PTPDC1: variants seen among roughly 807,000 people sequenced by gnomAD.
PTPDC1 encodes protein tyrosine phosphatase domain containing 1.
A neutral mutation model predicts 75.3 loss-of-function variants in PTPDC1; 53 were observed. That is an observed-to-expected ratio of 0.70 (90% CI 0.56 to 0.88). The LOEUF (loss-of-function observed/expected upper bound fraction) is 0.88, where lower values mean the gene tolerates loss of function less well. PTPDC1 is among the 40% of genes least tolerant of loss of function. PTPDC1 has a pLI of 0.00. For synonymous variants in PTPDC1, 349 were observed against 366.2 expected (o/e 0.95, Z 0.54); for missense variants, 925 against 998.6 (o/e 0.93, Z 0.99).
At chr9:94,050,359 T>C (rs920543392) in intron 1 of PTPDC1, among the ~76,000 whole-genome samples, 9 of 152,208 alleles carry the variant, frequency 5.9e-5, no homozygotes, top group African/African-American at 2.2e-4. Context: ...CTACCTTTGG[T>C]CTTTGATGTT....
chr9:94,046,151 T>C (rs1015014635), intron 1 of PTPDC1, among the ~76,000 whole-genome samples: 1 of 152,210 alleles, frequency 6.6e-6, no homozygotes, highest in Non-Finnish European at 1.5e-5. Flanking sequence ...GATCAGATAG[T>C]TGTAGATGTG....
intron 1 of PTPDC1, among the ~76,000 whole-genome samples, chr9:94,033,091 G>A (rs1185093529): frequency 6.6e-6 from 1 of 151,644 alleles, no homozygotes; most frequent in Non-Finnish European, 1.5e-5. Flanking sequence ...TGAATTCCTG[G>A]GCTCAAGTAA....
chr9:94,087,407 T>C (rs1007192241), intron 2 of PTPDC1, among the ~76,000 whole-genome samples: 2 of 152,182 alleles, frequency 1.3e-5, no homozygotes, highest in Non-Finnish European at 2.9e-5. Context: ...ATTGAAATTT[T>C]AAAAATTAAC....
upstream of PTPDC1, among the ~76,000 whole-genome samples, chr9:94,079,865 T>C (rs548973872): frequency 6.6e-6 from 1 of 152,338 alleles, no homozygotes; most frequent in East Asian, 1.9e-4. Flanking sequence ...TTGGCTTGCC[T>C]AAGTGTGGAA....
At chr9:94,104,712 T>G (rs771387557) in intron 8 of PTPDC1, among the ~76,000 whole-genome samples, 1 of 152,192 alleles carries the variant, frequency 6.6e-6, no homozygotes, top group Non-Finnish European at 1.5e-5. Context: ...AGTCAGAGAA[T>G]CTTTGCTTGT....
Position 94,095,568 on chromosome 9 carries a change from G to A in PTPDC1, c.754+114G>A, listed in dbSNP as rs999535567. 193 of 795,238 alleles carry A rather than the reference G, an allele frequency of 2.4e-4. 1 individual carries two copies. Among genetic ancestry groups the A allele is most frequent in the Middle Eastern group, 2.4e-4 (1 of 4,226 alleles). 49.3% of individuals were successfully genotyped at this position (795,238 alleles called of 1,614,324 possible). ...GAATCCTATCAAAGCTTTGGAGTCA[G>A]GTGGAAGAAGGGAATAAGTTCTAGT... On this transcript the variant is annotated intron_variant, in intron 5 of 8. Transcript: ENST00000620992.
intron 2 of PTPDC1, among the ~76,000 whole-genome samples, chr9:94,069,823 C>CTT (rs763640631): frequency 1.3e-3 from 146 of 108,194 alleles, no homozygotes; most frequent in African/African-American, 2.6e-3. Context: ...CCAATACTTT[C>CTT]TTTTTTTTTT....
intron 1 of PTPDC1, among the ~76,000 whole-genome samples, chr9:94,058,025 A>G (rs1363147277): frequency 6.6e-6 from 1 of 152,248 alleles, no homozygotes; most frequent in Non-Finnish European, 1.5e-5. Flanking sequence ...CTCTGAGAGA[A>G]GAGAAACAAA....
intron 5 of PTPDC1, among the ~76,000 whole-genome samples, chr9:94,096,645 G>C (rs1014366489): frequency 5.3e-5 from 8 of 151,934 alleles, no homozygotes; most frequent in African/African-American, 1.9e-4. Flanking sequence ...CACTAAGCCT[G>C]GCTTCCTTAA....
chr9:94,087,701 CA>C, intron 2 of PTPDC1, 129 bp from the exon 3 acceptor site: 1 of 664,430 alleles, frequency 1.5e-6, no homozygotes, highest in Non-Finnish European at 2.7e-6. Flanking sequence ...AAAATTTATA[CA>C]CAAAAAAGAA....
chr9:94,087,544 G>A (rs188594344), intron 2 of PTPDC1, among the ~76,000 whole-genome samples: 130 of 152,220 alleles, frequency 8.5e-4, no homozygotes, highest in Admixed American at 4.8e-3. Flanking sequence ...CACTAAGATG[G>A]TAAACATGAA....
rs1828134458 is a variant in PTPDC1 at position 94,109,846 on chromosome 9, G to A, written c.*1902G>A. 6.6e-6 allele frequency: 1 copy of A among 152,188 alleles called. No individual in the cohort carries two copies. The highest frequency in any genetic ancestry group is 2.4e-5 in the African/African-American group (1 of 41,434). 9.4% of individuals were successfully genotyped at this position (152,188 alleles called of 1,614,324 possible). A position where few individuals can be genotyped will look rare whatever the true frequency, so the allele number is the denominator to read the frequency against. ...ATTTATTTGAATAAAAATAAAAAGA[G>A]CAACCCATAATCCTAGTCCTGTACT... is the stretch of plus-strand genomic sequence containing the variant. On this transcript the variant is annotated 3_prime_UTR_variant, in exon 9 of 9. Coordinates refer to ENST00000620992, the MANE Select transcript of PTPDC1 (RefSeq NM_001253829.2).
chr9:94,042,930 C>G (rs1339869247), intron 1 of PTPDC1, among the ~76,000 whole-genome samples: 1 of 152,188 alleles, frequency 6.6e-6, no homozygotes, highest in Non-Finnish European at 1.5e-5. Flanking sequence ...TATCAAGAAA[C>G]CACTTTCTTT....
chr9:94,057,322 G>C (rs542149641), intron 1 of PTPDC1, among the ~76,000 whole-genome samples: 2 of 151,916 alleles, frequency 1.3e-5, no homozygotes, highest in Non-Finnish European at 2.9e-5. Flanking sequence ...GGGCTCAAAC[G>C]ATCTGCCCAC....
At chr9:94,107,018 A>G (rs1179964200) in intron 8 of PTPDC1, among the ~76,000 whole-genome samples, 1 of 152,174 alleles carries the variant, frequency 6.6e-6, no homozygotes, top group Non-Finnish European at 1.5e-5. Context: ...CAGTGGCACA[A>G]TCTCAGCTCA....
At chr9:94,042,374 T>G (rs1460853523) in intron 1 of PTPDC1, among the ~76,000 whole-genome samples, 1 of 152,176 alleles carries the variant, frequency 6.6e-6, no homozygotes, top group African/African-American at 2.4e-5. Context: ...GCCTCAGAGA[T>G]ATTGCAGGTT....
At chr9:94,105,960 A>G (rs1045769435) in intron 8 of PTPDC1, among the ~76,000 whole-genome samples, 12 of 151,988 alleles carry the variant, frequency 7.9e-5, no homozygotes, top group South Asian at 2.1e-4. Flanking sequence ...GCGACAGAGC[A>G]AGACTCCATC....
chr9:94,098,517 C>T lies in PTPDC1; in HGVS notation c.1951C>T (p.Leu651=), dbSNP rs1355074321. 1 of 1,614,062 alleles carries T rather than the reference C, an allele frequency of 6.2e-7. No homozygotes were observed. The highest frequency in any genetic ancestry group is 8.5e-7 in the Non-Finnish European group (1 of 1,180,026). Residue 651 remains leucine, a synonymous_variant, in exon 6 of 9, where the codon CTA becomes TTA. Coordinates refer to ENST00000620992, the MANE Select transcript of PTPDC1 (RefSeq NM_001253829.2). ...AAGAAGAATACTGGCGGCCAAAGCCCTAGCAAATTTAAATGAATCTGTAGA... is the reference window on the plus strand; with the variant it reads ...AAGAAGAATACTGGCGGCCAAAGCCTTAGCAAATTTAAATGAATCTGTAGA... ...EARRILAAKA[L]ANLNESVEKE...
At chr9:94,032,690 T>C (rs1829749807) in intron 1 of PTPDC1, among the ~76,000 whole-genome samples, 1 of 152,142 alleles carries the variant, frequency 6.6e-6, no homozygotes. Context: ...TAAAGTTTTA[T>C]TATTTATTTA....
Sources: allele counts gnomAD v4.1 joint callset (sites outside exome capture counted in the v4.1 genomes callset), GRCh38; gene constraint gnomAD v4.1.1; transcripts MANE v1.5; gene names NCBI Gene and HGNC (gene_info 2026-07-23, HGNC 2026-07-21).